Variants in CNTNAP2 observed in about 807,000 individuals in gnomAD.
CNTNAP2 encodes the protein contactin-associated protein-like 2.
Under a neutral mutation model 155.2 loss-of-function variants are expected in CNTNAP2, and 98 were observed. That is an observed-to-expected ratio of 0.63 (90% CI 0.54 to 0.75). The LOEUF (loss-of-function observed/expected upper bound fraction) is 0.75, where lower values mean the gene tolerates loss of function less well. Ranked by LOEUF, CNTNAP2 falls within the 30% of genes least tolerant of loss-of-function variation. The pLI, the probability that CNTNAP2 is intolerant of heterozygous loss-of-function variation, is 0.00. For missense variants in CNTNAP2, 1,727 were observed against 1,688.1 expected, an observed-to-expected ratio of 1.02 and a Z score of -0.40; for synonymous variants, 651 against 631.2, an observed-to-expected ratio of 1.03 and a Z score of -0.47.
intron 18 of CNTNAP2, among the ~76,000 whole-genome samples, chr7:148,208,875 G>A (rs1795497754): frequency 6.6e-6 from 1 of 152,044 alleles, no homozygotes; most frequent in African/African-American, 2.4e-5. Flanking sequence ...TCCCCGGGGT[G>A]CCCTAATTAC....
chr7:148,368,100 C>A (rs1637863), intron 21 of CNTNAP2, among the ~76,000 whole-genome samples: 51,737 of 152,124 alleles, frequency 0.34, 9,211 homozygotes, highest in Non-Finnish European at 0.39. Context: ...AAGTCACTCC[C>A]TTTAGGTGTC....
intron 1 of CNTNAP2, among the ~76,000 whole-genome samples, chr7:146,338,023 G>A (rs1478343187): frequency 2.0e-5 from 3 of 152,050 alleles, no homozygotes; most frequent in South Asian, 2.1e-4. Flanking sequence ...TCCTATCACT[G>A]CAAAGATGGC....
intron 1 of CNTNAP2, among the ~76,000 whole-genome samples, chr7:146,558,447 A>G (rs147138736): frequency 1.5e-3 from 233 of 152,256 alleles, no homozygotes; most frequent in African/African-American, 5.3e-3. Context: ...ATTGACATAT[A>G]AAAACTTTAC....
At chr7:147,573,678 C>T (rs148040056) in intron 12 of CNTNAP2, among the ~76,000 whole-genome samples, 27 of 152,280 alleles carry the variant, frequency 1.8e-4, no homozygotes, top group African/African-American at 5.8e-4. Flanking sequence ...TATTGAGCAT[C>T]TTGCTGACAT....
chr7:147,033,160 GTATATATA>G (rs3081742), intron 3 of CNTNAP2, among the ~76,000 whole-genome samples: 1,215 of 90,722 alleles, frequency 0.013, 12 homozygotes, highest in South Asian at 0.021. Flanking sequence ...ATATATATAT[GTATATATA>G]TATATATATA....
intron 16 of CNTNAP2, among the ~76,000 whole-genome samples, chr7:148,145,369 A>G (rs1805158122): frequency 6.6e-6 from 1 of 152,194 alleles, no homozygotes; most frequent in African/African-American, 2.4e-5. Flanking sequence ...TTTTCTAGCG[A>G]CTTCTGGCAC....
At chr7:147,260,818 A>T (rs1804447714) in intron 8 of CNTNAP2, among the ~76,000 whole-genome samples, 1 of 152,206 alleles carries the variant, frequency 6.6e-6, no homozygotes, top group African/African-American at 2.4e-5. Context: ...AAATTCAATG[A>T]TAGTGATTCT....
chr7:148,166,968 A>C (rs191978837), intron 17 of CNTNAP2, among the ~76,000 whole-genome samples: 107 of 152,306 alleles, frequency 7.0e-4, no homozygotes, highest in African/African-American at 2.5e-3. Flanking sequence ...ATTTTTCTTC[A>C]TATTGACTAG....
At chr7:147,599,632 C>T (rs1800905892) in intron 12 of CNTNAP2, among the ~76,000 whole-genome samples, 1 of 152,090 alleles carries the variant, frequency 6.6e-6, no homozygotes, top group Admixed American at 6.6e-5. Flanking sequence ...AAAATCTTTC[C>T]TTGCCTCTTC....
At chr7:148,228,674 A>G (rs576734872) in intron 19 of CNTNAP2, among the ~76,000 whole-genome samples, 2 of 151,100 alleles carry the variant, frequency 1.3e-5, no homozygotes, top group African/African-American at 2.4e-5. Context: ...ATACCAAAAA[A>G]AAAATTAGCC....
At chr7:146,233,707 T>C (rs1318662353) in intron 1 of CNTNAP2, among the ~76,000 whole-genome samples, 2 of 151,980 alleles carry the variant, frequency 1.3e-5, no homozygotes, top group Non-Finnish European at 2.9e-5. Context: ...TGAGTGAGAA[T>C]ATGCGGTGTT....
At chr7:147,653,285 C>T (rs568040338) in intron 13 of CNTNAP2, among the ~76,000 whole-genome samples, 2 of 152,174 alleles carry the variant, frequency 1.3e-5, no homozygotes, top group Non-Finnish European at 2.9e-5. Flanking sequence ...AGAAGAAACT[C>T]TTATGTCTAA....
At chr7:148,047,085 A>G (rs554124014) in intron 15 of CNTNAP2, among the ~76,000 whole-genome samples, 32 of 152,188 alleles carry the variant, frequency 2.1e-4, no homozygotes, top group Admixed American at 9.8e-4. Flanking sequence ...AAACCAGGCT[A>G]TTTCTCTCCA....
chr7:146,911,457 C>A (rs1223406322), intron 3 of CNTNAP2, among the ~76,000 whole-genome samples: 1 of 151,826 alleles, frequency 6.6e-6, no homozygotes. Flanking sequence ...ACATATACAC[C>A]ATGGAATACT....
At chr7:147,995,740 C>T (rs187785793) in intron 15 of CNTNAP2, among the ~76,000 whole-genome samples, 89 of 152,224 alleles carry the variant, frequency 5.8e-4, no homozygotes, top group Admixed American at 1.4e-3. Context: ...GTCACAATCT[C>T]CTGACCTCGT....
Position 146,774,290 on chromosome 7 carries a change from T to C in CNTNAP2, c.117T>C (p.Leu39=). Residue 39 remains leucine (L), a synonymous_variant, in exon 2 of 24, where the codon CTT becomes CTC. Transcript: ENST00000361727. ...PSTSQKCDEP[L]VSGLPHVAFS... ...TTTCAGAAAAATGTGATGAGCCACTTGTCTCTGGACTCCCCCATGTGGCTT... is the reference window on the plus strand; with the variant it reads ...TTTCAGAAAAATGTGATGAGCCACTCGTCTCTGGACTCCCCCATGTGGCTT... 5.6e-6 allele frequency: 9 copies of C among 1,613,928 alleles called. No homozygotes were observed. Among genetic ancestry groups the C allele is most frequent in the Non-Finnish European group, 6.8e-6 (8 of 1,179,918 alleles).
rs888976222 is a variant in CNTNAP2, at chr7:147,527,015, C to CTTTTTTTTTTTTTTTTTTTTTTTTTTT, written c.1778-35122_1778-35096dup. On this transcript the variant is annotated intron_variant, in intron 11 of 23. Transcript: ENST00000361727. ...CATGAATTATGGAAGACAGGCATTT[C>CTTTTTTTTTTTTTTTTTTTTTTTTTTT]TTTTTTTTTTTTTTTTTTTTTTTTT... Among the ~76,000 whole-genome samples, 6 of 65,168 alleles carry CTTTTTTTTTTTTTTTTTTTTTTTTTTT rather than the reference C, an allele frequency of 9.2e-5. 2 individuals are homozygous for CTTTTTTTTTTTTTTTTTTTTTTTTTTT. Among genetic ancestry groups the CTTTTTTTTTTTTTTTTTTTTTTTTTTT allele is most frequent in the African/African-American group, 4.7e-4 (6 of 12,768 alleles). The allele number at this position is 65,168 out of a possible 152,430, so 42.8% of individuals were successfully genotyped here. A position where few individuals can be genotyped will look rare whatever the true frequency, so the allele number is the denominator to read the frequency against.
intron 10 of CNTNAP2, among the ~76,000 whole-genome samples, chr7:147,463,701 A>C (rs893890656): frequency 6.6e-6 from 1 of 152,178 alleles, no homozygotes; most frequent in Non-Finnish European, 1.5e-5. Flanking sequence ...TCTGTCACAA[A>C]TGGCCTCTCA....
intron 19 of CNTNAP2, among the ~76,000 whole-genome samples, chr7:148,229,147 T>C (rs1191293060): frequency 7.2e-5 from 11 of 152,184 alleles, no homozygotes; most frequent in Non-Finnish European, 1.3e-4. Flanking sequence ...TGTCAGCCGA[T>C]ATGGGTCAGT....
Sources: gnomAD v4.1 joint callset for allele counts (sites outside exome capture counted in the v4.1 genomes callset) on GRCh38, gnomAD v4.1.1 for gene constraint, MANE v1.5 for transcripts, NCBI Gene and HGNC (gene_info 2026-07-23, HGNC 2026-07-21) for gene names.